Variants in HMCN1 observed in about 807,000 individuals in gnomAD.
HMCN1 encodes the protein hemicentin-1.
A neutral mutation model predicts 625.9 loss-of-function variants in HMCN1; 321 were observed. The observed-to-expected ratio is 0.51, with a 90% CI of 0.47 to 0.56. The LOEUF is 0.56. HMCN1 is among the 20% of genes least tolerant of loss of function. The probability of loss-of-function intolerance (pLI) is 0.00; values close to 1 mark genes in which losing one functional copy is unlikely to be tolerated. For missense variants in HMCN1, 6,588 were observed against 6,887.3 expected, an observed-to-expected ratio of 0.96 and a Z score of 1.54; for synonymous variants, 2,425 against 2,417.6, an observed-to-expected ratio of 1.00 and a Z score of -0.09.
chr1:185,857,456 A>G (rs923962817), intron 2 of HMCN1, among the ~76,000 whole-genome samples: 7 of 147,854 alleles, frequency 4.7e-5, no homozygotes, highest in African/African-American at 1.7e-4. Flanking sequence ...TCTCCATTAT[A>G]CCTTTCATTT....
intron 104 of HMCN1, 135 bp from the exon 105 acceptor site, chr1:186,182,033 C>A: frequency 1.1e-6 from 1 of 916,268 alleles, no homozygotes. Context: ...TAGCTCTGAG[C>A]ATTTTTTAAC....
intron 11 of HMCN1, among the ~76,000 whole-genome samples, chr1:185,953,652 C>T (rs964170734): frequency 1.2e-4 from 18 of 151,826 alleles, no homozygotes; most frequent in South Asian, 4.2e-4. Flanking sequence ...TTGGGCTGGT[C>T]GGTCTGAGGA....
chr1:186,021,279 C>G (rs974827960), intron 35 of HMCN1, among the ~76,000 whole-genome samples: 4 of 151,932 alleles, frequency 2.6e-5, no homozygotes, highest in Non-Finnish European at 5.9e-5. Flanking sequence ...TGTTGCCATA[C>G]AGTGAGATAA....
intron 1 of HMCN1, among the ~76,000 whole-genome samples, chr1:185,770,626 G>A (rs1656178784): frequency 6.6e-6 from 1 of 152,174 alleles, no homozygotes; most frequent in African/African-American, 2.4e-5. Flanking sequence ...GTGAGGGGCA[G>A]GGGAGAAGTA....
chr1:186,151,765 T>C, intron 95 of HMCN1, 22 bp downstream of exon 95: 5 of 1,610,400 alleles, frequency 3.1e-6, no homozygotes, highest in Non-Finnish European at 4.2e-6. Flanking sequence ...CTGAATTTAA[T>C]ATTCTATTAC....
chr1:185,898,870 T>C (rs1665644364), intron 4 of HMCN1, among the ~76,000 whole-genome samples: 1 of 148,754 alleles, frequency 6.7e-6, no homozygotes, highest in Admixed American at 6.6e-5. Flanking sequence ...CACCATTGAC[T>C]GGTCTTCAGA....
At chr1:186,124,118 A>T (rs942186231) in intron 81 of HMCN1, among the ~76,000 whole-genome samples, 2 of 152,134 alleles carry the variant, frequency 1.3e-5, no homozygotes, top group Non-Finnish European at 2.9e-5. Flanking sequence ...TCAAATGTCT[A>T]TAGAAAATTT....
intron 6 of HMCN1, among the ~76,000 whole-genome samples, chr1:185,912,826 A>G (rs1666503332): frequency 6.6e-6 from 1 of 152,092 alleles, no homozygotes; most frequent in South Asian, 2.1e-4. Context: ...TCAAATAAAC[A>G]ACTTGCTCTA....
chr1:185,836,881 A>G (rs1661201949), intron 1 of HMCN1, among the ~76,000 whole-genome samples: 1 of 151,860 alleles, frequency 6.6e-6, no homozygotes, highest in Non-Finnish European at 1.5e-5. Flanking sequence ...AACATTCAGT[A>G]CTTGGTTTCT....
chr1:186,142,247 C>T (rs970340085), intron 89 of HMCN1, among the ~76,000 whole-genome samples: 23 of 152,228 alleles, frequency 1.5e-4, no homozygotes, highest in Admixed American at 7.8e-4. Context: ...TAAGTGAGAA[C>T]ATGCAGTATT....
chr1:185,941,048 T>C (rs571206739), intron 11 of HMCN1, among the ~76,000 whole-genome samples: 2 of 152,202 alleles, frequency 1.3e-5, no homozygotes, highest in African/African-American at 2.4e-5. Flanking sequence ...GTAGAGACGG[T>C]GTTTCACCAT....
At chr1:185,796,602 C>T (rs889965672) in intron 1 of HMCN1, among the ~76,000 whole-genome samples, 1 of 151,656 alleles carries the variant, frequency 6.6e-6, no homozygotes, top group Non-Finnish European at 1.5e-5. Flanking sequence ...TAATTTAATT[C>T]TTCTTTTATG....
chr1:185,838,493 G>A (rs1415217438), intron 1 of HMCN1, among the ~76,000 whole-genome samples: 1 of 152,126 alleles, frequency 6.6e-6, no homozygotes, highest in African/African-American at 2.4e-5. Flanking sequence ...TTCCTATTGG[G>A]GAACCTGTAG....
intron 11 of HMCN1, among the ~76,000 whole-genome samples, chr1:185,956,480 T>C (rs551683585): frequency 3.9e-5 from 6 of 152,196 alleles, no homozygotes; most frequent in Non-Finnish European, 8.8e-5. Flanking sequence ...TTATAAAGGA[T>C]ATTACAAAGA....
intron 4 of HMCN1, among the ~76,000 whole-genome samples, chr1:185,886,579 A>G (rs1370823883): frequency 6.6e-6 from 1 of 152,072 alleles, no homozygotes; most frequent in African/African-American, 2.4e-5. Context: ...AATGCAAAAG[A>G]AAAAGCATGT....
intron 4 of HMCN1, among the ~76,000 whole-genome samples, chr1:185,898,358 C>G (rs572503417): frequency 6.6e-6 from 1 of 152,286 alleles, no homozygotes; most frequent in South Asian, 2.1e-4. Flanking sequence ...ACTGTTCACT[C>G]CATTACTTCC....
chr1:186,114,065 C>T lies in HMCN1; in HGVS notation c.11218C>T (p.Pro3740Ser). 6.2e-7 allele frequency: 1 copy of T among 1,613,990 alleles called. No homozygotes were observed. The highest frequency in any genetic ancestry group is 8.5e-7 in the Non-Finnish European group (1 of 1,179,928). The change falls in exon 73 of 107, where the codon CCA (proline) becomes TCA (serine). Residue 3740 changes from proline to serine, a missense_variant. Pro to Ser is a moderately conservative substitution (Grantham distance 74). Coordinates refer to ENST00000271588, the MANE Select transcript of HMCN1 (RefSeq NM_031935.3). ...TVLECIAEGV[P>S]TPRITWRKDG... ...ATTGGAATGCATCGCTGAAGGTGTG[C>T]CAACTCCAAGGATAACATGGAGAAA...
intron 71 of HMCN1, among the ~76,000 whole-genome samples, chr1:186,111,495 A>T (rs1660886002): frequency 6.6e-6 from 1 of 152,050 alleles, no homozygotes; most frequent in African/African-American, 2.4e-5. Context: ...TTTAAAAAAA[A>T]GTTAGCTGGG....
At chr1:186,131,229 A>G (rs764902773) in intron 85 of HMCN1, among the ~76,000 whole-genome samples, 2 of 152,176 alleles carry the variant, frequency 1.3e-5, no homozygotes, top group Non-Finnish European at 2.9e-5. Flanking sequence ...AAGTAATTGA[A>G]ATAATTAAAA....
Sources: gnomAD v4.1 joint callset for allele counts (sites outside exome capture counted in the v4.1 genomes callset) on GRCh38, gnomAD v4.1.1 for gene constraint, MANE v1.5 for transcripts, NCBI Gene and HGNC (gene_info 2026-07-23, HGNC 2026-07-21) for gene names.